The following ETS1 variants were observed in gnomAD, a reference collection of about 807,000 sequenced individuals.
ETS1 encodes the protein protein C-ets-1.
ETS1 carries 15 observed loss-of-function variants against 58.6 expected under a neutral mutation model. The ratio of observed to expected loss-of-function variants is 0.26; its 90% CI spans 0.17 to 0.39. The LOEUF is 0.39. Among genes scored for constraint, ETS1 ranks in the 10% least tolerant of loss-of-function variants. The pLI is 1.00. For synonymous variants in ETS1, 214 were observed against 218.2 expected (o/e 0.98, Z 0.17); for missense variants, 417 against 610.5 (o/e 0.68, Z 3.34).
At chr11:128,569,383 TAGG>T (rs1864580094) in intron 2 of ETS1, among the ~76,000 whole-genome samples, 1 of 129,320 alleles carries the variant, frequency 7.7e-6, no homozygotes, top group African/African-American at 3.0e-5. Context: ...GGGCACCAGG[TAGG>T]AGGACTTGGA....
intron 2 of ETS1, among the ~76,000 whole-genome samples, chr11:128,563,113 T>C (rs1207724057): frequency 1.3e-5 from 2 of 152,184 alleles, no homozygotes; most frequent in Non-Finnish European, 2.9e-5. Context: ...GATGAGTAAC[T>C]CCCTAGTTGC....
chr11:128,586,078 C>G (rs1179159209), intron 1 of ETS1, among the ~76,000 whole-genome samples: 1 of 152,206 alleles, frequency 6.6e-6, no homozygotes, highest in Non-Finnish European at 1.5e-5. Flanking sequence ...AAAGATGCCC[C>G]CTCCATAATT....
At chr11:128,468,638 A>G (rs1862102614) in intron 8 of ETS1, among the ~76,000 whole-genome samples, 1 of 152,054 alleles carries the variant, frequency 6.6e-6, no homozygotes, top group Admixed American at 6.5e-5. Context: ...TTTTCTTCCA[A>G]ACAGAAGGAG....
chr11:128,534,452 C>T (rs1591647850), intron 3 of ETS1, among the ~76,000 whole-genome samples: 1 of 152,190 alleles, frequency 6.6e-6, no homozygotes, highest in Non-Finnish European at 1.5e-5. Flanking sequence ...TTCAGATACA[C>T]GTGCAAGACA....
At chr11:128,469,488 G>A (rs1256845776) in intron 8 of ETS1, among the ~76,000 whole-genome samples, 1 of 152,162 alleles carries the variant, frequency 6.6e-6, no homozygotes, top group Non-Finnish European at 1.5e-5. Context: ...ACAGGAGGAC[G>A]CACCTCTGAG....
intron 1 of ETS1, among the ~76,000 whole-genome samples, chr11:128,574,575 A>C (rs1337541661): frequency 6.6e-6 from 1 of 152,204 alleles, no homozygotes; most frequent in East Asian, 1.9e-4. Flanking sequence ...GTTTGTTTCC[A>C]AGAACAGTGA....
rs1389678223 is a variant in ETS1, at chr11:128,490,489, G to A, written c.302C>T (p.Thr101Ile). ...QALKATFSGF[T>I]KEQQRLGIPK... is the part of the protein sequence containing the mutation. ...GATCCCCAGTCGTTGCTGTTCTTTAGTGAAACCACTGAAAGTAGCTTTTAA... is the reference window on the plus strand; with the variant it reads ...GATCCCCAGTCGTTGCTGTTCTTTAATGAAACCACTGAAAGTAGCTTTTAA... Residue 101 changes from threonine (T) to isoleucine (I), a missense_variant, in exon 4 of 10, where the codon ACT (threonine) becomes ATT (isoleucine). Transcript: ENST00000392668. The A allele has an allele frequency of 6.4e-7, 1 of 1,573,764 alleles. No homozygotes were observed. Among genetic ancestry groups the A allele is most frequent in the Non-Finnish European group, 8.7e-7 (1 of 1,152,236 alleles).
chr11:128,568,223 A>G (rs1864545370), intron 2 of ETS1, among the ~76,000 whole-genome samples: 1 of 152,132 alleles, frequency 6.6e-6, no homozygotes, highest in Non-Finnish European at 1.5e-5. Context: ...CTAGTCCCCC[A>G]GGAACTCCTC....
intron 3 of ETS1, among the ~76,000 whole-genome samples, chr11:128,495,693 A>T (rs1028307532): frequency 1.3e-5 from 2 of 152,234 alleles, no homozygotes; most frequent in Non-Finnish European, 2.9e-5. Flanking sequence ...CAGTTCTCCA[A>T]ACTGAAAGAT....
At chr11:128,569,491 T>C (rs535084126) in intron 2 of ETS1, among the ~76,000 whole-genome samples, 72 of 151,734 alleles carry the variant, frequency 4.7e-4, no homozygotes, top group African/African-American at 1.7e-3. Context: ...CTTTCTTATC[T>C]AGGAAAGTTA....
intron 3 of ETS1, among the ~76,000 whole-genome samples, chr11:128,534,910 T>C (rs746165828): frequency 4.6e-5 from 7 of 152,226 alleles, no homozygotes; most frequent in Non-Finnish European, 8.8e-5. Flanking sequence ...ATCTTTATAA[T>C]AGAATGACTT....
chr11:128,523,601 A>C (rs1337860921), intron 3 of ETS1, among the ~76,000 whole-genome samples: 3 of 152,320 alleles, frequency 2.0e-5, no homozygotes, highest in Non-Finnish European at 4.4e-5. Context: ...ATCTAATCCC[A>C]GTTTTGTGCC....
chr11:128,557,463 G>A (rs1864330543), intron 2 of ETS1, among the ~76,000 whole-genome samples: 1 of 152,168 alleles, frequency 6.6e-6, no homozygotes, highest in Admixed American at 6.5e-5. Flanking sequence ...ACTATATATT[G>A]TATGAAATGC....
At chr11:128,544,691 GA>G (rs113241627) in intron 3 of ETS1, among the ~76,000 whole-genome samples, 31 of 148,166 alleles carry the variant, frequency 2.1e-4, no homozygotes, top group South Asian at 6.4e-4. Flanking sequence ...CCAGGAAAAG[GA>G]AAAAAAAAAT....
intron 5 of ETS1, among the ~76,000 whole-genome samples, chr11:128,487,602 G>A (rs1309736487): frequency 1.3e-5 from 2 of 152,104 alleles, no homozygotes; most frequent in African/African-American, 4.8e-5. Context: ...AGCTAGGCAT[G>A]GTGGCATGCG....
intron 3 of ETS1, chr11:128,536,806 G>C (rs1863979322): frequency 6.6e-6 from 1 of 152,156 alleles, no homozygotes; most frequent in Non-Finnish European, 1.5e-5. Flanking sequence ...TCCCATAGAA[G>C]AGCAATTAGC....
chr11:128,507,604 G>C (rs939204492), intron 3 of ETS1, among the ~76,000 whole-genome samples: 1 of 152,204 alleles, frequency 6.6e-6, no homozygotes, highest in Non-Finnish European at 1.5e-5. Context: ...CCCCAGAGGT[G>C]CATGGTTCCT....
chr11:128,565,653 GTTA>G (rs1245633109), intron 2 of ETS1, among the ~76,000 whole-genome samples: 1 of 152,134 alleles, frequency 6.6e-6, no homozygotes, highest in Non-Finnish European at 1.5e-5. Context: ...AAAAATATAG[GTTA>G]TTTTCTTCTT....
chr11:128,574,047 T>G (rs545870797), intron 1 of ETS1, among the ~76,000 whole-genome samples: 1 of 152,338 alleles, frequency 6.6e-6, no homozygotes, highest in Admixed American at 6.5e-5. Context: ...AACTGATACA[T>G]TTCAAGAAAA....
Sources: gnomAD v4.1 joint callset for allele counts (sites outside exome capture counted in the v4.1 genomes callset) on GRCh38, gnomAD v4.1.1 for gene constraint, MANE v1.5 for transcripts, NCBI Gene and HGNC (gene_info 2026-07-23, HGNC 2026-07-21) for gene names.